Variants in CPNE4 observed in about 807,000 individuals in gnomAD.
The protein encoded by CPNE4 is copine-4.
CPNE4 carries 25 observed loss-of-function variants against 67.9 expected under a neutral mutation model. The ratio of observed to expected loss-of-function variants is 0.37; its 90% CI spans 0.27 to 0.51. CPNE4 has a LOEUF of 0.51. CPNE4 is among the 20% of genes least tolerant of loss of function. The pLI, the probability that CPNE4 is intolerant of heterozygous loss-of-function variation, is 0.93. For synonymous variants in CPNE4, 242 were observed against 244.9 expected (o/e 0.99, Z 0.11); for missense variants, 464 against 690.8 (o/e 0.67, Z 3.68).
At chr3:131,804,568 G>C (rs896906381) in intron 2 of CPNE4, among the ~76,000 whole-genome samples, 3 of 152,098 alleles carry the variant, frequency 2.0e-5, no homozygotes, top group African/African-American at 7.2e-5. Flanking sequence ...CTTTTCCTGT[G>C]TTCTACATCC....
At chr3:131,956,786 T>C (rs2071986920) in intron 1 of CPNE4, among the ~76,000 whole-genome samples, 1 of 152,202 alleles carries the variant, frequency 6.6e-6, no homozygotes, top group Non-Finnish European at 1.5e-5. Context: ...TACTTTGTGT[T>C]GGCAAGTGAG....
At chr3:131,941,682 GCATA>G (rs1451045643) in intron 1 of CPNE4, among the ~76,000 whole-genome samples, 77 of 152,224 alleles carry the variant, frequency 5.1e-4, no homozygotes, top group African/African-American at 1.7e-3. Context: ...CTGGTTTAGA[GCATA>G]CATATTTTAA....
At chr3:131,691,521 A>G (rs1246770254) in intron 5 of CPNE4, among the ~76,000 whole-genome samples, 2 of 152,268 alleles carry the variant, frequency 1.3e-5, no homozygotes, top group Non-Finnish European at 2.9e-5. Flanking sequence ...AGATGGGAAC[A>G]GTGGACGATG....
intron 2 of CPNE4, among the ~76,000 whole-genome samples, chr3:131,767,260 C>CGTGTGTGT (rs67444198): frequency 3.5e-4 from 52 of 150,350 alleles, no homozygotes; most frequent in African/African-American, 1.1e-3. Flanking sequence ...TAAGTGTGAG[C>CGTGTGTGT]GTGTGTGTGT....
At chr3:132,021,814 C>A (rs1011665456) in intron 1 of CPNE4, among the ~76,000 whole-genome samples, 1 of 152,110 alleles carries the variant, frequency 6.6e-6, no homozygotes, top group Non-Finnish European at 1.5e-5. Context: ...GAACAAGGAG[C>A]TTAGGAAGTA....
intron 14 of CPNE4, among the ~76,000 whole-genome samples, chr3:131,545,844 AT>A (rs1167347641): frequency 2.0e-5 from 3 of 152,308 alleles, no homozygotes; most frequent in African/African-American, 7.2e-5. Context: ...TGGGCGGATC[AT>A]GAGGTCAGGA....
chr3:131,628,599 T>G (rs2079138780), intron 7 of CPNE4, among the ~76,000 whole-genome samples: 1 of 152,272 alleles, frequency 6.6e-6, no homozygotes, highest in Non-Finnish European at 1.5e-5. Context: ...TATTCAGGGA[T>G]TCAACTTCTT....
chr3:131,775,935 T>C (rs2083280318), intron 2 of CPNE4, among the ~76,000 whole-genome samples: 1 of 152,164 alleles, frequency 6.6e-6, no homozygotes, highest in South Asian at 2.1e-4. Context: ...ATGCACCAGT[T>C]TAAAGAGGCC....
rs72994837 is a variant in CPNE4 at position 131,993,314 on chromosome 3, G to A, written c.-2+41253C>T. ...ATTGATAAATGCTGTCCAGGTTCAG[G>A]ACCTTTAAAGAGGATACAGGAAACT... is the stretch of plus-strand genomic sequence containing the variant. On this transcript the variant is annotated intron_variant, in intron 1 of 15. Transcript: ENST00000429747. 7.5e-3 allele frequency among the ~76,000 whole-genome samples: 1,008 copies of A among 134,006 alleles called. 53 individuals carry two copies. The highest frequency in any genetic ancestry group is 0.024 in the African/African-American group (972 of 40,388). 87.9% of individuals were successfully genotyped at this position (134,006 alleles called of 152,430 possible). A position where few individuals can be genotyped will look rare whatever the true frequency, so the allele number is the denominator to read the frequency against.
chr3:131,917,436 T>G lies in CPNE4; in HGVS notation c.-1-11992A>C, dbSNP rs114586663. The stretch of plus-strand genomic sequence containing the variant: ...GTGTTTGTCGCTGCAATCAGACTCA[T>G]GACCAGCTATCACAGACATTTGAGT... On this transcript the variant is annotated intron_variant, in intron 1 of 15. Transcript: ENST00000429747. Among the ~76,000 whole-genome samples, 1,420 of 152,232 alleles carry G rather than the reference T, an allele frequency of 9.3e-3. 21 individuals carry two copies. The highest frequency in any genetic ancestry group is 0.032 in the African/African-American group (1,333 of 41,548).
chr3:131,862,797 T>C (rs2086746072), intron 2 of CPNE4, among the ~76,000 whole-genome samples: 2 of 152,090 alleles, frequency 1.3e-5, no homozygotes, highest in South Asian at 4.1e-4. Flanking sequence ...CATGTTGGTG[T>C]GCTGCACCCA....
rs1010872419 is a variant in CPNE4, at chr3:132,035,006, C to G, written c.-441G>C. On this transcript the variant is annotated 5_prime_UTR_variant, in exon 1 of 16. Transcript: ENST00000429747. ...GCAGCTTCTCACAGAGAGATTTCCACCTTCTGACGAATCCCATGCACCCAG... is the reference window on the plus strand; with the variant it reads ...GCAGCTTCTCACAGAGAGATTTCCAGCTTCTGACGAATCCCATGCACCCAG... 5.3e-5 allele frequency: 52 copies of G among 985,076 alleles called. No individual in the cohort carries two copies. Among genetic ancestry groups the G allele is most frequent in the Admixed American group, 6.1e-5 (1 of 16,266 alleles). 61.0% of individuals were successfully genotyped at this position (985,076 alleles called of 1,614,324 possible).
chr3:131,684,659 T>C (rs2080842936), intron 6 of CPNE4, among the ~76,000 whole-genome samples: 1 of 152,212 alleles, frequency 6.6e-6, no homozygotes, highest in Non-Finnish European at 1.5e-5. Context: ...CACCACCTTA[T>C]GAAAGTCATG....
chr3:131,704,044 T>G (rs546295280), intron 3 of CPNE4, among the ~76,000 whole-genome samples: 16 of 152,210 alleles, frequency 1.1e-4, no homozygotes, highest in Non-Finnish European at 1.8e-4. Context: ...GAAACAAGCA[T>G]TCCTTACACT....
chr3:131,899,112 T>C (rs1273665374), intron 2 of CPNE4, among the ~76,000 whole-genome samples: 1 of 152,122 alleles, frequency 6.6e-6, no homozygotes, highest in East Asian at 1.9e-4. Flanking sequence ...TTTCATTTTC[T>C]AGCTCTCGTC....
intron 8 of CPNE4, among the ~76,000 whole-genome samples, chr3:131,584,499 G>A (rs1938048694): frequency 6.6e-6 from 1 of 152,058 alleles, no homozygotes; most frequent in South Asian, 2.1e-4. Context: ...TATGTCTTAA[G>A]TCTCTCCAAT....
At chr3:131,723,277 CA>C (rs1200698206) in intron 3 of CPNE4, among the ~76,000 whole-genome samples, 168 bp downstream of exon 3, 2 of 152,138 alleles carry the variant, frequency 1.3e-5, no homozygotes, top group African/African-American at 4.8e-5. Flanking sequence ...ATCATCTCTA[CA>C]TAAACATAAT....
intron 9 of CPNE4, among the ~76,000 whole-genome samples, chr3:131,580,844 T>C (rs1489758897): frequency 6.6e-6 from 1 of 152,206 alleles, no homozygotes; most frequent in East Asian, 1.9e-4. Flanking sequence ...CTTGTTTTTA[T>C]GGTACGCTTT....
chr3:131,654,354 C>A (rs1225220835), intron 7 of CPNE4, among the ~76,000 whole-genome samples: 1 of 152,010 alleles, frequency 6.6e-6, no homozygotes. Flanking sequence ...CACCCAGGTA[C>A]TAAGCCTAGT....
Sources: gnomAD v4.1 joint callset for allele counts (sites outside exome capture counted in the v4.1 genomes callset) on GRCh38, gnomAD v4.1.1 for gene constraint, MANE v1.5 for transcripts, NCBI Gene and HGNC (gene_info 2026-07-23, HGNC 2026-07-21) for gene names.